CERS6: variants seen among roughly 807,000 people sequenced by gnomAD.
CERS6 encodes ceramide synthase 6.
Under a neutral mutation model 56.8 loss-of-function variants are expected in CERS6, and 26 were observed. The observed-to-expected ratio is 0.46, with a 90% CI of 0.34 to 0.63. The LOEUF (loss-of-function observed/expected upper bound fraction) is 0.63, where lower values mean the gene tolerates loss of function less well. Among genes scored for constraint, CERS6 ranks in the 30% least tolerant of loss-of-function variants. The pLI is 0.01. For synonymous variants in CERS6, 164 were observed against 173.3 expected (o/e 0.95, Z 0.42); for missense variants, 415 against 467.5 (o/e 0.89, Z 1.04).
intron 1 of CERS6, among the ~76,000 whole-genome samples, chr2:168,536,765 G>A (rs1156730244): frequency 1.3e-5 from 2 of 151,980 alleles, no homozygotes; most frequent in South Asian, 2.1e-4. Context: ...GGTAGCATGT[G>A]GGGGAGGGAT....
intron 1 of CERS6, among the ~76,000 whole-genome samples, chr2:168,495,768 A>G (rs1054023884): frequency 7.9e-5 from 12 of 152,172 alleles, no homozygotes; most frequent in Non-Finnish European, 1.6e-4. Context: ...ATATAGTGTC[A>G]TATCTGTCTC....
intron 4 of CERS6, among the ~76,000 whole-genome samples, chr2:168,685,512 G>A (rs2105355009): frequency 6.6e-6 from 1 of 152,182 alleles, no homozygotes; most frequent in South Asian, 2.1e-4. Flanking sequence ...TAAAGTATCA[G>A]ACCTTATCTG....
chr2:168,456,371 C>G lies in CERS6; in HGVS notation c.-78C>G. On this transcript the variant is annotated 5_prime_UTR_variant, in exon 1 of 10. Transcript: ENST00000305747. This position sits in a 1 kb window ranked among gnomAD's most constrained non-coding sequence, Gnocchi z 4.1. Reference sequence around the variant, plus strand: ...CGGCACAGGCTCGGGGCCAGCCGGGCGCGCATCCCCGGGCGCCCTGCGCGG... The same window carrying G: ...CGGCACAGGCTCGGGGCCAGCCGGGGGCGCATCCCCGGGCGCCCTGCGCGG... 1 of 1,191,324 alleles carries G rather than the reference C, an allele frequency of 8.4e-7. No individual in the cohort carries two copies. Among genetic ancestry groups the G allele is most frequent in the Non-Finnish European group, 1.1e-6 (1 of 898,978 alleles). 73.8% of individuals were successfully genotyped at this position (1,191,324 alleles called of 1,614,324 possible).
intron 1 of CERS6, among the ~76,000 whole-genome samples, chr2:168,506,428 G>T (rs564078707): frequency 4.6e-5 from 7 of 152,120 alleles, no homozygotes; most frequent in Middle Eastern, 3.2e-3. Context: ...CAGTGTCCAG[G>T]TGTGTCCGAC....
chr2:168,495,797 G>A (rs1694456633), intron 1 of CERS6, among the ~76,000 whole-genome samples: 1 of 152,130 alleles, frequency 6.6e-6, no homozygotes, highest in Non-Finnish European at 1.5e-5. Context: ...TTCAGGGGGG[G>A]CATGATTGTT....
At chr2:168,495,679 A>T (rs1694453557) in intron 1 of CERS6, among the ~76,000 whole-genome samples, 1 of 152,182 alleles carries the variant, frequency 6.6e-6, no homozygotes, top group Admixed American at 6.5e-5. Context: ...AAAGTGAGAA[A>T]ATTAAATGGC....
At chr2:168,484,206 A>T (rs1204673098) in intron 1 of CERS6, among the ~76,000 whole-genome samples, 1 of 87,344 alleles carries the variant, frequency 1.1e-5, no homozygotes, top group Admixed American at 1.9e-4. Context: ...TTTGAGACGG[A>T]GCTTCACTCC....
intron 8 of CERS6, among the ~76,000 whole-genome samples, chr2:168,732,232 G>A (rs1317872589): frequency 9.9e-5 from 15 of 152,180 alleles, no homozygotes; most frequent in Non-Finnish European, 2.2e-4. Flanking sequence ...CTGAAGCACT[G>A]TTATAATGGA....
intron 4 of CERS6, among the ~76,000 whole-genome samples, chr2:168,689,482 T>A (rs1354102968): frequency 3.9e-5 from 6 of 152,216 alleles, no homozygotes; most frequent in Non-Finnish European, 8.8e-5. Flanking sequence ...TTTTTTATTC[T>A]TTATTTTTTA....
chr2:168,746,821 A>ATATATAT (rs1559078615), intron 8 of CERS6, among the ~76,000 whole-genome samples: 373 of 64,636 alleles, frequency 5.8e-3, no homozygotes, highest in Non-Finnish European at 8.2e-3. Flanking sequence ...ATATATATAT[A>ATATATAT]AAATCATCTT....
At chr2:168,694,937 C>CTT in intron 5 of CERS6, 22 bp from the exon 6 acceptor site, 1 of 1,588,960 alleles carries the variant, frequency 6.3e-7, no homozygotes, top group South Asian at 1.1e-5. Flanking sequence ...CTAATCATTC[C>CTT]TTTTTTTTCT....
intron 1 of CERS6, among the ~76,000 whole-genome samples, chr2:168,469,042 T>C (rs1693932417): frequency 6.6e-6 from 1 of 152,228 alleles, no homozygotes; most frequent in Non-Finnish European, 1.5e-5. Flanking sequence ...CTTAATTTGA[T>C]CCTTAAGAAA....
chr2:168,516,588 T>A (rs938797525), intron 1 of CERS6, among the ~76,000 whole-genome samples: 3 of 152,206 alleles, frequency 2.0e-5, no homozygotes, highest in Non-Finnish European at 4.4e-5. Context: ...AGTACCTGCC[T>A]TTTACAGTTA....
At chr2:168,731,079 T>G (rs533593787) in intron 8 of CERS6, among the ~76,000 whole-genome samples, 7 of 152,182 alleles carry the variant, frequency 4.6e-5, no homozygotes, top group Non-Finnish European at 8.8e-5. Flanking sequence ...CTTAATATTT[T>G]TAGATGGTCT....
chr2:168,651,936 A>G (rs1439872529), intron 4 of CERS6, among the ~76,000 whole-genome samples: 3 of 152,180 alleles, frequency 2.0e-5, no homozygotes, highest in Non-Finnish European at 4.4e-5. Flanking sequence ...TACAATAGTG[A>G]TTGATAATTT....
intron 1 of CERS6, among the ~76,000 whole-genome samples, chr2:168,499,973 G>A (rs548502350): frequency 3.3e-5 from 5 of 152,236 alleles, no homozygotes; most frequent in East Asian, 3.9e-4. Flanking sequence ...AAGAACCTTT[G>A]TGCAGGCTGT....
intron 1 of CERS6, among the ~76,000 whole-genome samples, chr2:168,479,427 CA>C (rs751673032): frequency 6.6e-6 from 1 of 151,984 alleles, no homozygotes; most frequent in Non-Finnish European, 1.5e-5. Flanking sequence ...TCTTTTTTCA[CA>C]TATGACAAAT....
chr2:168,716,229 C>A (rs1208346519), intron 7 of CERS6, among the ~76,000 whole-genome samples: 1 of 152,078 alleles, frequency 6.6e-6, no homozygotes, highest in Non-Finnish European at 1.5e-5. Flanking sequence ...TTCAAGCTAA[C>A]CTCTATTCAG....
chr2:168,602,821 C>T (rs1311165555), intron 3 of CERS6, among the ~76,000 whole-genome samples: 2 of 152,156 alleles, frequency 1.3e-5, no homozygotes, highest in Non-Finnish European at 2.9e-5. Context: ...TATTCCCAGC[C>T]CCAGCCTCTC....
Sources: allele counts gnomAD v4.1 joint callset (sites outside exome capture counted in the v4.1 genomes callset), GRCh38; gene constraint gnomAD v4.1.1; non-coding constraint Gnocchi (gnomAD v3.1); transcripts MANE v1.5; gene names NCBI Gene and HGNC (gene_info 2026-07-23, HGNC 2026-07-21).